Variants in COPG2 observed in about 807,000 individuals in gnomAD.
COPG2 encodes coatomer subunit gamma-2.
COPG2 carries 37 observed loss-of-function variants against 46.3 expected under a neutral mutation model. The ratio of observed to expected loss-of-function variants is 0.80; its 90% CI spans 0.61 to 1.05. The LOEUF (loss-of-function observed/expected upper bound fraction) is 1.05, where lower values mean the gene tolerates loss of function less well. COPG2 is among the 50% of genes least tolerant of loss of function. The pLI is 0.00. For missense variants in COPG2, 427 were observed against 387.8 expected, an observed-to-expected ratio of 1.10 and a Z score of -0.85; for synonymous variants, 159 against 129.7, an observed-to-expected ratio of 1.23 and a Z score of -1.53.
chr7:130,629,387 ATTAT>A (rs1214947262), intron 5 of COPG2, among the ~76,000 whole-genome samples: 13 of 143,546 alleles, frequency 9.1e-5, no homozygotes, highest in African/African-American at 3.2e-4. Context: ...CTGGAATTTT[ATTAT>A]TATTATCATT....
rs181373835 is a variant in COPG2, at chr7:130,647,932, G to A, written c.323+4937C>T. Among the ~76,000 whole-genome samples, 1,336 of 151,860 alleles carry A rather than the reference G, an allele frequency of 8.8e-3. 9 individuals are homozygous for A. The highest frequency in any genetic ancestry group is 0.014 in the Non-Finnish European group (974 of 67,912). Reference sequence around the variant, plus strand: ...TTTTTAGTAGAGACAGGGTTTCACCGTGTTAGCCAGGACGGTCTCGATCTC... The same window carrying A: ...TTTTTAGTAGAGACAGGGTTTCACCATGTTAGCCAGGACGGTCTCGATCTC... On this transcript the variant is annotated intron_variant, in intron 5 of 23. Transcript: ENST00000425248.
chr7:130,625,846 A>T (rs1393050529), intron 5 of COPG2, among the ~76,000 whole-genome samples: 1 of 151,700 alleles, frequency 6.6e-6, no homozygotes, highest in Non-Finnish European at 1.5e-5. Flanking sequence ...GTTGTTCTTT[A>T]CCTAGTTTTT....
At chr7:130,584,695 C>G (rs1554447768) in intron 9 of COPG2, among the ~76,000 whole-genome samples, 1 of 151,960 alleles carries the variant, frequency 6.6e-6, no homozygotes, top group African/African-American at 2.4e-5. Flanking sequence ...ATCAAGAACT[C>G]AACCCCTTTT....
At chr7:130,653,445 C>T (rs1007296720) in intron 4 of COPG2, among the ~76,000 whole-genome samples, 24 of 152,162 alleles carry the variant, frequency 1.6e-4, no homozygotes, top group African/African-American at 5.8e-4. Flanking sequence ...GTAGAGACGG[C>T]GTACAGTATT....
chr7:130,649,217 A>G (rs1180317953), intron 5 of COPG2, among the ~76,000 whole-genome samples: 1 of 152,186 alleles, frequency 6.6e-6, no homozygotes, highest in Non-Finnish European at 1.5e-5. Flanking sequence ...CTGAGGTTTC[A>G]GCAAAAGGTT....
At chr7:130,531,567 G>A (rs1799825338) in intron 20 of COPG2, among the ~76,000 whole-genome samples, 1 of 152,022 alleles carries the variant, frequency 6.6e-6, no homozygotes, top group Non-Finnish European at 1.5e-5. Context: ...TGGGGTGGGA[G>A]GCACTGAAAG....
chr7:130,532,512 T>G (rs889619102), intron 20 of COPG2, among the ~76,000 whole-genome samples: 86 of 152,030 alleles, frequency 5.7e-4, no homozygotes, highest in African/African-American at 2.0e-3. Flanking sequence ...GAGCCGGGTC[T>G]CAGGCAGGGC....
intron 9 of COPG2, among the ~76,000 whole-genome samples, chr7:130,606,304 AGAAAGAAAGAG>A (rs1410205853): frequency 1.3e-5 from 2 of 151,900 alleles, no homozygotes; most frequent in East Asian, 3.9e-4. Context: ...GAGAAAGAAA[AGAAAGAAAGAG>A]AAAAGAAAGA....
intron 5 of COPG2, among the ~76,000 whole-genome samples, chr7:130,633,307 G>A (rs1554455479): frequency 6.6e-6 from 1 of 152,032 alleles, no homozygotes; most frequent in African/African-American, 2.4e-5. Context: ...CTAGATCCTT[G>A]AGGAATCGCC....
chr7:130,641,348 A>G (rs781910230), intron 5 of COPG2, among the ~76,000 whole-genome samples: 1 of 152,192 alleles, frequency 6.6e-6, no homozygotes, highest in Non-Finnish European at 1.5e-5. Context: ...GGTATCAAAG[A>G]GCATGATGAG....
chr7:130,593,664 T>G (rs1384903830), intron 9 of COPG2, among the ~76,000 whole-genome samples: 1 of 152,092 alleles, frequency 6.6e-6, no homozygotes, highest in Non-Finnish European at 1.5e-5. Flanking sequence ...TGCACAGTAG[T>G]GGGTATAGAC....
At chr7:130,578,806 TA>T (rs1489642066) in intron 9 of COPG2, among the ~76,000 whole-genome samples, 3 of 149,272 alleles carry the variant, frequency 2.0e-5, no homozygotes, top group Non-Finnish European at 4.5e-5. Context: ...GAAAAAAGAA[TA>T]AAAAGAAATG....
chr7:130,510,086 T>C (rs782232213), intron 20 of COPG2: 1 of 519,936 alleles, frequency 1.9e-6, no homozygotes, highest in Non-Finnish European at 3.8e-6. Context: ...TCCAACAGGC[T>C]CTGGTGAGCT....
At chr7:130,580,237 G>A (rs1256921277) in intron 9 of COPG2, among the ~76,000 whole-genome samples, 1 of 151,964 alleles carries the variant, frequency 6.6e-6, no homozygotes, top group African/African-American at 2.4e-5. Context: ...ACCTGCTCCT[G>A]AATGACTACT....
At chr7:130,522,742 A>C (rs934713775) in intron 20 of COPG2, among the ~76,000 whole-genome samples, 5,055 of 151,872 alleles carry the variant, frequency 0.033, 288 homozygotes, top group African/African-American at 0.12. Context: ...AAAAATGCTA[A>C]GTAAGAAGTA....
chr7:130,573,964 C>T (rs189658992), intron 9 of COPG2, among the ~76,000 whole-genome samples: 19 of 152,256 alleles, frequency 1.2e-4, no homozygotes, highest in Admixed American at 2.0e-4. Context: ...ATAAACTCAT[C>T]ATATGACCCA....
chr7:130,570,784 TACCTGACTTCAAACTATACTA>T (rs1554445433), intron 9 of COPG2, among the ~76,000 whole-genome samples: 2 of 152,288 alleles, frequency 1.3e-5, no homozygotes. Flanking sequence ...GGCATCACAT[TACCTGACTTCAAACTATACTA>T]TAAGGCCACA....
At position 130,532,888 on chromosome 7, in the gene COPG2, T is replaced by C. The variant is rs985150142; in HGVS notation, c.2149+14786A>G. 2.4e-3 allele frequency among the ~76,000 whole-genome samples: 370 copies of C among 152,038 alleles called. 1 individual carries two copies. The highest frequency in any genetic ancestry group is 3.4e-3 in the Non-Finnish European group (232 of 67,976). On this transcript the variant is annotated intron_variant, in intron 20 of 23. Transcript: ENST00000425248. ...AGAAAGGAGGACACACCTGAGAACA[T>C]GAATTAGGCCAGTGGCAGAATCACA...
chr7:130,552,216 T>C (rs1443296963), intron 15 of COPG2, 139 bp downstream of exon 15: 5 of 391,100 alleles, frequency 1.3e-5, no homozygotes, highest in Admixed American at 4.4e-5. Flanking sequence ...GAGAAAGGAA[T>C]TGCCATTTGC....
Sources: gnomAD v4.1 joint callset for allele counts (sites outside exome capture counted in the v4.1 genomes callset) on GRCh38, gnomAD v4.1.1 for gene constraint, MANE v1.5 for transcripts, NCBI Gene and HGNC (gene_info 2026-07-23, HGNC 2026-07-21) for gene names.